The following FMNL2 variants were observed in gnomAD, a reference collection of about 807,000 sequenced individuals.
FMNL2 encodes formin like 2.
Under a neutral mutation model 130.2 loss-of-function variants are expected in FMNL2, and 51 were observed. The observed-to-expected ratio is 0.39, with a 90% confidence interval of 0.31 to 0.49. FMNL2 has a LOEUF of 0.49. Among genes scored for constraint, FMNL2 ranks in the 20% least tolerant of loss-of-function variants. The pLI is 0.85. For synonymous variants in FMNL2, 465 were observed against 467.1 expected (o/e 1.00, Z 0.06); for missense variants, 977 against 1,316.2 (o/e 0.74, Z 3.99).
At chr2:152,510,732 G>A (rs143626617) in intron 1 of FMNL2, among the ~76,000 whole-genome samples, 1 of 152,318 alleles carries the variant, frequency 6.6e-6, no homozygotes, top group African/African-American at 2.4e-5. Context: ...CAAAGAAGGA[G>A]AAAACTAAGA....
At chr2:152,625,360 A>T (rs750419040) in intron 15 of FMNL2, 78 bp from the exon 16 acceptor site, 283 of 1,509,640 alleles carry the variant, frequency 1.9e-4, no homozygotes, top group Non-Finnish European at 1.8e-4. Flanking sequence ...TGTCATCTGC[A>T]AGGACTGTTG....
intron 1 of FMNL2, among the ~76,000 whole-genome samples, chr2:152,357,665 C>A (rs1363562379): frequency 6.7e-6 from 1 of 149,764 alleles, no homozygotes; most frequent in African/African-American, 2.4e-5. Flanking sequence ...AATATTAAAT[C>A]AGTTTAATGT....
intron 1 of FMNL2, among the ~76,000 whole-genome samples, chr2:152,369,867 A>T (rs1053645519): frequency 6.6e-6 from 1 of 152,156 alleles, no homozygotes; most frequent in Non-Finnish European, 1.5e-5. Context: ...GATTATTTAT[A>T]TGCATTTCCT....
chr2:152,523,035 C>A (rs1171407073), intron 2 of FMNL2, among the ~76,000 whole-genome samples: 3 of 152,038 alleles, frequency 2.0e-5, no homozygotes, highest in Non-Finnish European at 2.9e-5. Context: ...AATATTAATA[C>A]AAATATTAAT....
intron 5 of FMNL2, among the ~76,000 whole-genome samples, chr2:152,559,844 A>G (rs1695426923): frequency 6.6e-6 from 1 of 152,166 alleles, no homozygotes; most frequent in South Asian, 2.1e-4. Context: ...TATGTTCAGT[A>G]TTACCTCCTG....
chr2:152,336,163 G>A (rs1264522553), intron 1 of FMNL2, among the ~76,000 whole-genome samples: 3 of 151,958 alleles, frequency 2.0e-5, no homozygotes, highest in African/African-American at 7.3e-5. Context: ...CGGCCAGCCC[G>A]GGACCTGCGA....
intron 15 of FMNL2, among the ~76,000 whole-genome samples, chr2:152,620,270 C>T (rs1699184075): frequency 6.6e-6 from 1 of 152,094 alleles, no homozygotes; most frequent in African/African-American, 2.4e-5. Context: ...GGAAGTGCTG[C>T]CAACAGCCGT....
chr2:152,607,006 G>GTTTTTTT (rs58237890), intron 9 of FMNL2, among the ~76,000 whole-genome samples: 6 of 84,848 alleles, frequency 7.1e-5, no homozygotes, highest in Admixed American at 1.3e-4. Context: ...TTTTTTTTTT[G>GTTTTTTT]TTTTTTTTTT....
chr2:152,377,756 G>T (rs902152942), intron 1 of FMNL2, among the ~76,000 whole-genome samples: 4 of 152,170 alleles, frequency 2.6e-5, no homozygotes, highest in Non-Finnish European at 4.4e-5. Context: ...CCCATTACTT[G>T]GGATTGCTAA....
intron 1 of FMNL2, among the ~76,000 whole-genome samples, chr2:152,347,204 T>C (rs1313934389): frequency 6.6e-6 from 1 of 152,220 alleles, no homozygotes; most frequent in African/African-American, 2.4e-5. Flanking sequence ...ACTTGGCTTC[T>C]GGTCTCCCAG....
chr2:152,634,903 C>T (rs542621216), intron 21 of FMNL2, among the ~76,000 whole-genome samples: 1 of 152,148 alleles, frequency 6.6e-6, no homozygotes, highest in African/African-American at 2.4e-5. Flanking sequence ...CAGCAGCAGA[C>T]CACCAAATGG....
At chr2:152,527,224 T>A (rs1285881475) in intron 2 of FMNL2, among the ~76,000 whole-genome samples, 1 of 152,188 alleles carries the variant, frequency 6.6e-6, no homozygotes, top group Non-Finnish European at 1.5e-5. Context: ...AACATCTTTG[T>A]GAAGAATATC....
At chr2:152,553,383 C>G (rs1012390643) in intron 4 of FMNL2, among the ~76,000 whole-genome samples, 1 of 152,032 alleles carries the variant, frequency 6.6e-6, no homozygotes, top group South Asian at 2.1e-4. Context: ...CTACAAAAAT[C>G]TTATTGACCA....
intron 1 of FMNL2, among the ~76,000 whole-genome samples, chr2:152,353,312 G>A (rs952302765): frequency 1.3e-5 from 2 of 152,180 alleles, no homozygotes; most frequent in Non-Finnish European, 2.9e-5. Flanking sequence ...GTGCCTGAAT[G>A]CTTAGAGATT....
chr2:152,474,749 G>A (rs1354690897), intron 1 of FMNL2, among the ~76,000 whole-genome samples: 1 of 152,112 alleles, frequency 6.6e-6, no homozygotes, highest in African/African-American at 2.4e-5. Flanking sequence ...TGTTTAGACT[G>A]TGCTTAGTTG....
At chr2:152,608,198 G>A (rs532494025) in intron 10 of FMNL2, among the ~76,000 whole-genome samples, 24 of 151,980 alleles carry the variant, frequency 1.6e-4, no homozygotes, top group East Asian at 3.9e-4. Context: ...GATCCTAACC[G>A]GGCTGTAATT....
At chr2:152,434,105 T>C (rs761413764) in intron 1 of FMNL2, among the ~76,000 whole-genome samples, 1 of 152,206 alleles carries the variant, frequency 6.6e-6, no homozygotes, top group Non-Finnish European at 1.5e-5. Context: ...AATTATTCCA[T>C]TGAATTTTTT....
Position 152,521,999 on chromosome 2 carries a change from G to A in FMNL2, c.174G>A (p.Glu58=). The A allele has an allele frequency of 6.2e-7, 1 of 1,608,140 alleles. No individual in the cohort carries two copies. The highest frequency in any genetic ancestry group is 8.5e-7 in the Non-Finnish European group (1 of 1,178,244). The change falls in exon 2 of 26, where the codon GAG becomes GAA. Residue 58 remains glutamate (E), a synonymous_variant. Transcript: ENST00000288670. ...KARLLRQYDN[E]KKWELICDQE... is the part of the protein sequence containing the mutation. ...GGTTACTGCGGCAGTATGATAATGA[G>A]AAAAAATGGGAACTGATTTGTGATC... is the stretch of plus-strand genomic sequence containing the variant.
chr2:152,476,998 C>CA (rs1471624835), intron 1 of FMNL2, among the ~76,000 whole-genome samples: 3 of 152,056 alleles, frequency 2.0e-5, no homozygotes, highest in Non-Finnish European at 2.9e-5. Flanking sequence ...TCTTATTTAT[C>CA]GTCTCAAGCT....
Sources: allele counts gnomAD v4.1 joint callset (sites outside exome capture counted in the v4.1 genomes callset), GRCh38; gene constraint gnomAD v4.1.1; transcripts MANE v1.5; gene names NCBI Gene and HGNC (gene_info 2026-07-23, HGNC 2026-07-21).